Variants in GTPBP8 observed in about 807,000 individuals in gnomAD.
GTPBP8 encodes GTP binding protein 8.
GTPBP8 carries 21 observed loss-of-function variants against 27.3 expected under a neutral mutation model. The observed-to-expected ratio is 0.77, with a 90% CI of 0.55 to 1.11. The LOEUF is 1.11. GTPBP8 is among the 50% of genes least tolerant of loss of function. The pLI is 0.00. For missense variants in GTPBP8, 380 were observed against 350.8 expected (o/e 1.08, Z -0.67); for synonymous variants, 147 against 135.3 (o/e 1.09, Z -0.60).
intron 2 of GTPBP8, 78 bp downstream of exon 2, chr3:112,993,202 G>A: frequency 1.3e-6 from 1 of 768,548 alleles, no homozygotes; most frequent in South Asian, 1.7e-5. Flanking sequence ...GAAGGTATAA[G>A]AAATCATAAT....
chr3:112,991,539 T>G (rs1324772296), intron 1 of GTPBP8: 1 of 702,604 alleles, frequency 1.4e-6, no homozygotes, highest in Non-Finnish European at 2.6e-6. Flanking sequence ...CAAAATGCAG[T>G]CAATACCCAT....
At chr3:112,993,674 A>C (rs1328740934) in intron 2 of GTPBP8, among the ~76,000 whole-genome samples, 1 of 151,990 alleles carries the variant, frequency 6.6e-6, no homozygotes, top group African/African-American at 2.4e-5. Flanking sequence ...AATCACCCCC[A>C]CTTTGTCTCA....
intron 5 of GTPBP8, among the ~76,000 whole-genome samples, 197 bp downstream of exon 5, chr3:112,999,761 G>A (rs10155015): frequency 0.26 from 39,395 of 151,546 alleles, 6,312 homozygotes; most frequent in Non-Finnish European, 0.37. Context: ...GTCTTTTTTC[G>A]CTCACCCCTC....
intron 1 of GTPBP8, among the ~76,000 whole-genome samples, 189 bp from the exon 2 acceptor site, chr3:112,992,837 T>A (rs1210657588): frequency 6.6e-6 from 1 of 152,230 alleles, no homozygotes; most frequent in African/African-American, 2.4e-5. Flanking sequence ...AAAATGGGGA[T>A]AATATCACCT....
chr3:112,995,086 T>A, intron 2 of GTPBP8, 49 bp from the exon 3 acceptor site: 1 of 1,383,338 alleles, frequency 7.2e-7, no homozygotes. Flanking sequence ...ATTAACTAGA[T>A]GGAGGACATA....
chr3:112,991,874 G>C (rs1332630396), intron 1 of GTPBP8: 1 of 251,124 alleles, frequency 4.0e-6, no homozygotes, highest in Non-Finnish European at 7.9e-6. Context: ...ATAATCTCTA[G>C]ATGGCAATAA....
chr3:112,994,206 C>T (rs1267097793), intron 2 of GTPBP8, among the ~76,000 whole-genome samples: 2 of 152,150 alleles, frequency 1.3e-5, no homozygotes, highest in African/African-American at 2.4e-5. Flanking sequence ...GGCCAATCAC[C>T]TGAGGTTGGG....
chr3:112,993,345 GTCTT>G (rs3083306), intron 2 of GTPBP8, among the ~76,000 whole-genome samples: 87,670 of 151,540 alleles, frequency 0.58, 28,954 homozygotes, highest in Non-Finnish European at 0.75. Context: ...TCTTCAGAAA[GTCTT>G]TCTTTATCCA....
chr3:112,996,477 A>T (rs1933789580), intron 3 of GTPBP8, among the ~76,000 whole-genome samples: 1 of 152,126 alleles, frequency 6.6e-6, no homozygotes. Context: ...AAACAAAAAA[A>T]AAAATTTATA....
chr3:112,997,844 A>G (rs1304519299), intron 4 of GTPBP8, among the ~76,000 whole-genome samples: 1 of 152,196 alleles, frequency 6.6e-6, no homozygotes, highest in Non-Finnish European at 1.5e-5. Flanking sequence ...ATGCCTAAAT[A>G]TTGCCAAACT....
At chr3:112,997,190 C>T (rs1051291412) in intron 4 of GTPBP8, among the ~76,000 whole-genome samples, 199 bp downstream of exon 4, 1 of 152,186 alleles carries the variant, frequency 6.6e-6, no homozygotes, top group Non-Finnish European at 1.5e-5. Flanking sequence ...TTCTGTCACT[C>T]AGCTATGTTT....
chr3:113,000,989 A>G lies in GTPBP8; in HGVS notation c.*70A>G, dbSNP rs1033929621. The G allele has an allele frequency of 3.5e-6, 3 of 849,472 alleles. No homozygotes were observed. Among genetic ancestry groups the G allele is most frequent in the Non-Finnish European group, 5.8e-6 (3 of 517,704 alleles). The allele number at this position is 849,472 out of a possible 1,614,324, so 52.6% of individuals were successfully genotyped here. On this transcript the variant is annotated 3_prime_UTR_variant, in exon 6 of 6. Transcript: ENST00000383678. ...TTATGCTAACTGGAGTTAAATACCT[A>G]GAAGAATTTCAACATTGTTTTAAAT...
In GTPBP8 at chr3:113,000,771, T is replaced by C. The variant is rs1374868157; in HGVS notation, c.786-79T>C. On this transcript the variant is annotated intron_variant, in intron 5 of 5. Coordinates refer to ENST00000383678, the MANE Select transcript of GTPBP8 (RefSeq NM_014170.4). ...TTTCATATATGAAATCATAAGAATTTGTAAATTTTTTTAAGTTGATGAATT... is the reference window on the plus strand; with the variant it reads ...TTTCATATATGAAATCATAAGAATTCGTAAATTTTTTTAAGTTGATGAATT... The C allele has an allele frequency of 1.1e-5, 9 of 832,066 alleles. No homozygotes were observed. The Admixed American group carries it at 2.0e-4, about 18-fold the overall frequency. The allele number at this position is 832,066 out of a possible 1,614,324, so 51.5% of individuals were successfully genotyped here. A position where few individuals can be genotyped will look rare whatever the true frequency, so the allele number is the denominator to read the frequency against.
At chr3:112,991,939 C>T (rs1237756658) in intron 1 of GTPBP8, 1 of 242,984 alleles carries the variant, frequency 4.1e-6, no homozygotes, top group African/African-American at 2.3e-5. Context: ...AGTGAGCATT[C>T]TTGCATGTCC....
At chr3:112,995,397 CATAAT>C (rs1933765349) in intron 3 of GTPBP8, 132 bp downstream of exon 3, 1 of 577,986 alleles carries the variant, frequency 1.7e-6, no homozygotes, top group East Asian at 3.0e-5. Context: ...ATTTTATTCT[CATAAT>C]ATTCTATAAT....
Position 113,001,173 on chromosome 3 carries a change from C to A in GTPBP8, c.*254C>A. On this transcript the variant is annotated 3_prime_UTR_variant, in exon 6 of 6. Transcript: ENST00000383678. The stretch of plus-strand genomic sequence containing the variant: ...TGATTCCCCTATTTTAACAAACTGA[C>A]AAGAGCACATCCATAAAATGAAAAC... 1 of 348,296 alleles carries A rather than the reference C, an allele frequency of 2.9e-6. No homozygotes were observed. The highest frequency in any genetic ancestry group is 5.2e-6 in the Non-Finnish European group (1 of 192,446). 21.6% of individuals were successfully genotyped at this position (348,296 alleles called of 1,614,324 possible).
chr3:112,999,350 G>T, intron 4 of GTPBP8, 96 bp from the exon 5 acceptor site: 1 of 515,962 alleles, frequency 1.9e-6, no homozygotes, highest in East Asian at 3.1e-5. Context: ...AAATTTGCAC[G>T]GGTCACCTAG....
At position 112,998,799 on chromosome 3, in the gene GTPBP8, C is replaced by T. The variant is rs116686660; in HGVS notation, c.667-647C>T. Reference sequence around the variant, plus strand: ...TATGTATCATGACACCACACTCCTGCCATTAGCATCTTTTATGACTAAAAA... The same window carrying T: ...TATGTATCATGACACCACACTCCTGTCATTAGCATCTTTTATGACTAAAAA... On this transcript the variant is annotated intron_variant, in intron 4 of 5. Transcript: ENST00000383678. Among the ~76,000 whole-genome samples, 639 of 152,218 alleles carry T rather than the reference C, an allele frequency of 4.2e-3. 6 individuals are homozygous for T. The highest frequency in any genetic ancestry group is 0.014 in the African/African-American group (592 of 41,538).
At chr3:112,995,414 C>T in intron 3 of GTPBP8, 149 bp downstream of exon 3, 2 of 540,428 alleles carry the variant, frequency 3.7e-6, no homozygotes. Flanking sequence ...TTCTATAATA[C>T]AATATTTAGG....
Sources: gnomAD v4.1 joint callset for allele counts (sites outside exome capture counted in the v4.1 genomes callset) on GRCh38, gnomAD v4.1.1 for gene constraint, MANE v1.5 for transcripts, NCBI Gene and HGNC (gene_info 2026-07-23, HGNC 2026-07-21) for gene names.